Variants in NF2 observed in about 807,000 individuals in gnomAD.
The protein encoded by NF2 is NF2, moesin-ezrin-radixin like (MERLIN) tumor suppressor.
NF2 carries 8 observed loss-of-function variants against 83.7 expected under a neutral mutation model. The observed-to-expected ratio is 0.10, with a 90% CI of 0.06 to 0.17. The LOEUF (loss-of-function observed/expected upper bound fraction) is 0.17, where lower values mean the gene tolerates loss of function less well. NF2 is among the 10% of genes least tolerant of loss of function. NF2 has a pLI of 1.00. For synonymous variants in NF2, 266 were observed against 269.6 expected (o/e 0.99, Z 0.13); for missense variants, 533 against 744.4 (o/e 0.72, Z 3.31).
At chr22:29,691,036 G>A (rs2067390238) in intron 15 of NF2, among the ~76,000 whole-genome samples, 1 of 152,246 alleles carries the variant, frequency 6.6e-6, no homozygotes, top group Non-Finnish European at 1.5e-5. Flanking sequence ...ACCAGACTTG[G>A]CAAGTCCCAG....
rs563401264 is a variant in NF2, at chr22:29,644,164, C to G, written c.447+1879C>G. 3.4e-3 allele frequency among the ~76,000 whole-genome samples: 514 copies of G among 149,878 alleles called. 7 individuals carry two copies. Among genetic ancestry groups the G allele is most frequent in the African/African-American group, 0.012 (490 of 40,550 alleles). ...GCGGAGGAGCTCCTCACTTCACAGA[C>G]GGGGCGGTTGCCAGGCAGAGGGTCT... is the stretch of plus-strand genomic sequence containing the variant. On this transcript the variant is annotated intron_variant, in intron 4 of 15. Transcript: ENST00000338641.
intron 1 of NF2, among the ~76,000 whole-genome samples, chr22:29,614,296 G>A (rs2065026880): frequency 6.6e-6 from 1 of 151,152 alleles, no homozygotes. Flanking sequence ...ACAAAAAGTA[G>A]GCCGGGTGCG....
At chr22:29,664,007 T>C (rs1163834760) in intron 8 of NF2, among the ~76,000 whole-genome samples, 1 of 152,236 alleles carries the variant, frequency 6.6e-6, no homozygotes, top group African/African-American at 2.4e-5. Flanking sequence ...CCTTCTACTA[T>C]AGTCCATTTT....
In NF2 at chr22:29,642,241, C is replaced by T. The variant is rs2146893644; in HGVS notation, c.403C>T (p.Pro135Ser). Residue 135 changes from proline to serine, a missense_variant, in exon 4 of 16, where the codon CCT becomes TCT. By Grantham distance (74) the Pro-to-Ser change is moderately conservative (BLOSUM62 -1). Coordinates refer to ENST00000338641, the MANE Select transcript of NF2 (RefSeq NM_000268.4). ...QILDEKIYCP[P>S]EASVLLASYA... ...TTTAGATGAAAAGATCTACTGCCCT[C>T]CTGAGGCTTCTGTGCTCCTGGCTTC... 6.2e-7 allele frequency: 1 copy of T among 1,614,076 alleles called. No homozygotes were observed. The highest frequency in any genetic ancestry group is 1.1e-5 in the South Asian group (1 of 91,080).
rs776888731 is a variant in NF2, at chr22:29,636,892, G to A, written c.240+16G>A. 9.3e-6 allele frequency: 15 copies of A among 1,613,766 alleles called. No homozygotes were observed. Among genetic ancestry groups the A allele is most frequent in the South Asian group, 6.6e-5 (6 of 91,030 alleles). ...GGACAAGAAGGTTGGGCTAGAACTC[G>A]ATGAAACTGGTGGGGCTGACGTGAG... is the stretch of plus-strand genomic sequence containing the variant. On this transcript the variant is annotated intron_variant, in intron 2 of 15. Transcript: ENST00000338641. This position sits in a 1 kb window ranked among gnomAD's most constrained non-coding sequence, Gnocchi z 4.4.
At chr22:29,650,017 T>C (rs1455316442) in intron 4 of NF2, among the ~76,000 whole-genome samples, 1 of 152,130 alleles carries the variant, frequency 6.6e-6, no homozygotes, top group Admixed American at 6.6e-5. Context: ...ACCTACTATG[T>C]ACCCACAAAC....
At chr22:29,669,487 A>G (rs1436555216) in intron 10 of NF2, among the ~76,000 whole-genome samples, 1 of 152,238 alleles carries the variant, frequency 6.6e-6, no homozygotes, top group African/African-American at 2.4e-5. Context: ...AGCCTGGGTG[A>G]CCAAGCAAGA....
intron 1 of NF2, among the ~76,000 whole-genome samples, chr22:29,620,480 C>A (rs973045323): frequency 6.6e-6 from 1 of 151,932 alleles, no homozygotes; most frequent in African/African-American, 2.4e-5. Context: ...TGGCTCATTC[C>A]TGTAATCCCA....
chr22:29,696,478 A>G lies in NF2; in HGVS notation c.*1676A>G, dbSNP rs2067556266. The G allele has an allele frequency of 4.5e-6, 1 of 220,310 alleles. No homozygotes were observed. Among genetic ancestry groups the G allele is most frequent in the Middle Eastern group, 1.4e-3 (1 of 732 alleles). 13.6% of individuals were successfully genotyped at this position (220,310 alleles called of 1,614,324 possible). ...AGATAGAGGCTATGGGGGCCTCAAG[A>G]TTTTTGGAGAGCAGAGGTGGTCTCT... On this transcript the variant is annotated 3_prime_UTR_variant, in exon 16 of 16. Transcript: ENST00000338641.
At chr22:29,691,629 TGGG>T (rs773344118) in intron 15 of NF2, among the ~76,000 whole-genome samples, 2 of 152,252 alleles carry the variant, frequency 1.3e-5, no homozygotes, top group African/African-American at 2.4e-5. Context: ...TTCCTGCCTA[TGGG>T]TGTACTGTAA....
intron 1 of NF2, among the ~76,000 whole-genome samples, chr22:29,607,540 G>A (rs1171153561): frequency 6.6e-6 from 1 of 152,186 alleles, no homozygotes; most frequent in Non-Finnish European, 1.5e-5. Flanking sequence ...TGGCCCTGGA[G>A]AGGGGGTACC....
intron 4 of NF2, among the ~76,000 whole-genome samples, chr22:29,651,832 C>G (rs1311397344): frequency 6.6e-6 from 1 of 152,212 alleles, no homozygotes; most frequent in Non-Finnish European, 1.5e-5. Flanking sequence ...ACAGCTTTAA[C>G]TTTGCATATC....
In NF2 at chr22:29,666,089, C is replaced by T. The variant is rs2066614575; in HGVS notation, c.885+1025C>T. Among the ~76,000 whole-genome samples the T allele has an allele frequency of 2.6e-5, 4 of 151,880 alleles. 1 individual carries two copies. The South Asian group carries it at 8.3e-4, about 32-fold the overall frequency. On this transcript the variant is annotated intron_variant, in intron 9 of 15. Coordinates refer to ENST00000338641, the MANE Select transcript of NF2 (RefSeq NM_000268.4). ...CTTAAAGATAGTCTGTTCATTCTCA[C>T]CTCTGTAGCACTCTGTTATATATTT... is the stretch of plus-strand genomic sequence containing the variant.
Position 29,698,277 on chromosome 22 carries a change from CTCT to C in NF2, c.*3477_*3479del. The C allele has an allele frequency of 4.4e-6, 1 of 227,142 alleles. No homozygotes were observed. The highest frequency in any genetic ancestry group is 1.8e-4 in the South Asian group (1 of 5,472). 14.1% of individuals were successfully genotyped at this position (227,142 alleles called of 1,614,324 possible). On this transcript the variant is annotated 3_prime_UTR_variant, in exon 16 of 16. Transcript: ENST00000338641. ...TGGGGACAGGTTTCTCTCTTTCCCTCTCTTTTTTTTGTCAAAAGCCCAGAGACT... is the reference window on the plus strand; with the variant it reads ...TGGGGACAGGTTTCTCTCTTTCCCTCTTTTTTTGTCAAAAGCCCAGAGACT...
chr22:29,671,826 A>G lies in NF2; in HGVS notation c.1000A>G (p.Met334Val), dbSNP rs1556000094. ...GACTGTTTTTCTTCACCCCTCGCAGATGGAGCGGCAGCGCCTCGCTCGAGA... is the reference window on the plus strand; with the variant it reads ...GACTGTTTTTCTTCACCCCTCGCAGGTGGAGCGGCAGCGCCTCGCTCGAGA... Reference protein sequence around the residue: ...QAREEKARKQMERQRLAREKQ... With the variant: ...QAREEKARKQVERQRLAREKQ... The change falls in exon 11 of 16, where the codon ATG (methionine) becomes GTG (valine). Residue 334 changes from methionine (M) to valine (V), a missense_variant and splice_region_variant. Met to Val is a conservative substitution (Grantham distance 21). Around this residue, in one of 3 missense-constraint regions of NF2, gnomAD observed 326 missense variants for 475.1 expected, o/e 0.69. Coordinates refer to ENST00000338641, the MANE Select transcript of NF2 (RefSeq NM_000268.4). The G allele has an allele frequency of 6.2e-7, 1 of 1,613,998 alleles. No homozygotes were observed. The highest frequency in any genetic ancestry group is 8.5e-7 in the Non-Finnish European group (1 of 1,179,940).
At chr22:29,660,270 A>G (rs2066439337) in intron 7 of NF2, among the ~76,000 whole-genome samples, 1 of 152,194 alleles carries the variant, frequency 6.6e-6, no homozygotes. Context: ...TCAGGGGCAG[A>G]GCATAAGTAC....
intron 1 of NF2, among the ~76,000 whole-genome samples, chr22:29,624,800 TC>T (rs2065301892): frequency 1.6e-4 from 1 of 6,088 alleles, no homozygotes; most frequent in South Asian, 5.3e-3. Flanking sequence ...TGAAGGGTCC[TC>T]TTTCTTTCTT....
At chr22:29,649,759 T>G (rs1024786640) in intron 4 of NF2, among the ~76,000 whole-genome samples, 3 of 97,222 alleles carry the variant, frequency 3.1e-5, no homozygotes, top group Non-Finnish European at 6.7e-5. Flanking sequence ...AAAATAAAAA[T>G]AAAAAAGGAG....
chr22:29,679,939 C>G (rs1338085350), intron 14 of NF2, among the ~76,000 whole-genome samples: 1 of 151,936 alleles, frequency 6.6e-6, no homozygotes, highest in Non-Finnish European at 1.5e-5. Context: ...GATCAAGGCA[C>G]GGGCAGAGGT....
Sources: allele counts gnomAD v4.1 joint callset (sites outside exome capture counted in the v4.1 genomes callset), GRCh38; gene constraint gnomAD v4.1.1; regional missense constraint gnomAD v4.1.1; non-coding constraint Gnocchi (gnomAD v3.1); transcripts MANE v1.5; gene names NCBI Gene and HGNC (gene_info 2026-07-23, HGNC 2026-07-21).